SP4: variants seen among roughly 807,000 people sequenced by gnomAD.
The protein encoded by SP4 is Sp4 transcription factor, also known as transcription factor Sp4.
Under a neutral mutation model 72.8 loss-of-function variants are expected in SP4, and 19 were observed. That is an observed-to-expected ratio of 0.26 (90% CI 0.18 to 0.38). The LOEUF (loss-of-function observed/expected upper bound fraction) is 0.38, where lower values mean the gene tolerates loss of function less well. SP4 is among the 10% of genes least tolerant of loss of function. The probability of loss-of-function intolerance (pLI) is 1.00; values close to 1 mark genes in which losing one functional copy is unlikely to be tolerated. For missense variants in SP4, 1,008 were observed against 926.3 expected (o/e 1.09, Z -1.14); for synonymous variants, 395 against 333.1 (o/e 1.19, Z -2.02).
chr7:21,433,675 A>C (rs1782944357), intron 3 of SP4, among the ~76,000 whole-genome samples: 1 of 152,192 alleles, frequency 6.6e-6, no homozygotes, highest in South Asian at 2.1e-4. Flanking sequence ...GTGCAGTGGC[A>C]CACGCCTGTA....
In SP4 at chr7:21,489,362, C is replaced by A. The variant is rs566760599; in HGVS notation, c.2107+7239C>A. On this transcript the variant is annotated intron_variant, in intron 5 of 5. Transcript: ENST00000222584. Reference sequence around the variant, plus strand: ...GTTGTTGTTGCTGAGACCATGTCACCCAGGCCAGAACGCAGTGATGTGATC... The same window carrying A: ...GTTGTTGTTGCTGAGACCATGTCACACAGGCCAGAACGCAGTGATGTGATC... Among the ~76,000 whole-genome samples, 97 of 152,080 alleles carry A rather than the reference C, an allele frequency of 6.4e-4. 1 individual carries two copies. The highest frequency in any genetic ancestry group is 1.3e-3 in the Non-Finnish European group (91 of 68,006).
chr7:21,445,059 A>G (rs1783378686), intron 3 of SP4, among the ~76,000 whole-genome samples: 1 of 152,200 alleles, frequency 6.6e-6, no homozygotes, highest in South Asian at 2.1e-4. Flanking sequence ...TGAGGCTAGT[A>G]ATAACATCTC....
At chr7:21,435,353 A>G (rs1265251565) in intron 3 of SP4, among the ~76,000 whole-genome samples, 1 of 152,214 alleles carries the variant, frequency 6.6e-6, no homozygotes, top group Non-Finnish European at 1.5e-5. Context: ...ATATAGTATG[A>G]AACCAGAAAT....
intron 3 of SP4, among the ~76,000 whole-genome samples, chr7:21,440,739 C>G (rs1476807258): frequency 6.6e-6 from 1 of 152,108 alleles, no homozygotes; most frequent in Non-Finnish European, 1.5e-5. Flanking sequence ...GTCCCATCTA[C>G]TCTGGGAGGC....
intron 5 of SP4, among the ~76,000 whole-genome samples, chr7:21,506,867 T>C (rs1038052032): frequency 5.3e-5 from 8 of 152,234 alleles, no homozygotes. Context: ...GAATGTGTCC[T>C]ATGTCCTACG....
chr7:21,477,661 C>T (rs1562614192), intron 4 of SP4, among the ~76,000 whole-genome samples: 1 of 151,738 alleles, frequency 6.6e-6, no homozygotes, highest in Non-Finnish European at 1.5e-5. Flanking sequence ...CTCAGCCTTC[C>T]GAGTAGCTGG....
intron 1 of SP4, 113 bp downstream of exon 1, chr7:21,428,371 G>T: frequency 1.4e-6 from 1 of 714,472 alleles, no homozygotes; most frequent in Non-Finnish European, 2.6e-6. Context: ...GCTTTAAGGG[G>T]AGGAGGAGAG....
chr7:21,502,569 T>G (rs532420969), intron 5 of SP4, among the ~76,000 whole-genome samples: 1 of 152,156 alleles, frequency 6.6e-6, no homozygotes, highest in African/African-American at 2.4e-5. Flanking sequence ...CACCCATGCC[T>G]GAGGTCCTCC....
In SP4 at chr7:21,511,502, G is replaced by A; in HGVS notation, c.*233G>A. On this transcript the variant is annotated 3_prime_UTR_variant, in exon 6 of 6. Transcript: ENST00000222584. ...TATTTCCTCCATACTATAAGTTGTA[G>A]TTGTTTGGAAATATATCACATAACC... 1 of 471,630 alleles carries A rather than the reference G, an allele frequency of 2.1e-6. No individual in the cohort carries two copies. Among genetic ancestry groups the A allele is most frequent in the Non-Finnish European group, 3.8e-6 (1 of 263,330 alleles). The allele number at this position is 471,630 out of a possible 1,614,324, so 29.2% of individuals were successfully genotyped here.
chr7:21,495,177 C>T (rs1267943886), intron 5 of SP4, among the ~76,000 whole-genome samples: 2 of 152,118 alleles, frequency 1.3e-5, no homozygotes, highest in South Asian at 2.1e-4. Flanking sequence ...AGATAGGCTA[C>T]GAGTGCTTTA....
rs764524135 is a variant in SP4, at chr7:21,513,846, A to G, written c.*2577A>G. ...TGTGTTAGCAGGTGCACATTTCACC[A>G]CTGAAATTAGAAATATTTTGACAGT... On this transcript the variant is annotated 3_prime_UTR_variant, in exon 6 of 6. Transcript: ENST00000222584. The G allele has an allele frequency of 1.2e-4, 18 of 152,228 alleles. No homozygotes were observed. The highest frequency in any genetic ancestry group is 2.2e-4 in the Non-Finnish European group (15 of 68,016). The allele number at this position is 152,228 out of a possible 1,614,324, so 9.4% of individuals were successfully genotyped here. A position where few individuals can be genotyped will look rare whatever the true frequency, so the allele number is the denominator to read the frequency against.
chr7:21,505,419 G>GGAA (rs1192473342), intron 5 of SP4, among the ~76,000 whole-genome samples: 17 of 152,142 alleles, frequency 1.1e-4, no homozygotes, highest in Non-Finnish European at 2.4e-4. Context: ...TCTATGTATT[G>GGAA]TAACAACTGG....
chr7:21,474,253 C>A (rs572269748), intron 3 of SP4, among the ~76,000 whole-genome samples: 2 of 151,952 alleles, frequency 1.3e-5, no homozygotes, highest in Admixed American at 6.6e-5. Flanking sequence ...AATATTATTG[C>A]GACCTTTAAA....
At chr7:21,453,011 C>A (rs1030407246) in intron 3 of SP4, among the ~76,000 whole-genome samples, 3 of 152,110 alleles carry the variant, frequency 2.0e-5, no homozygotes, top group African/African-American at 7.2e-5. Flanking sequence ...AACTCCTGAC[C>A]TTGTGATCTG....
At chr7:21,439,542 G>A (rs1471646396) in intron 3 of SP4, among the ~76,000 whole-genome samples, 3 of 148,038 alleles carry the variant, frequency 2.0e-5, no homozygotes, top group Non-Finnish European at 4.4e-5. Context: ...GAACAGTCCT[G>A]CTGCAGTAGT....
chr7:21,467,159 C>G (rs1784192164), intron 3 of SP4, among the ~76,000 whole-genome samples: 1 of 151,912 alleles, frequency 6.6e-6, no homozygotes, highest in African/African-American at 2.4e-5. Flanking sequence ...TAGCAGCATC[C>G]CAGGCCTCTA....
intron 5 of SP4, among the ~76,000 whole-genome samples, chr7:21,494,817 A>G (rs1159312995): frequency 6.6e-6 from 1 of 152,166 alleles, no homozygotes; most frequent in African/African-American, 2.4e-5. Flanking sequence ...GAATAGCCAA[A>G]ACAGTTTCAA....
At chr7:21,495,553 A>G (rs1040114023) in intron 5 of SP4, among the ~76,000 whole-genome samples, 18 of 152,172 alleles carry the variant, frequency 1.2e-4, no homozygotes, top group Admixed American at 2.6e-4. Flanking sequence ...CTGTACACCT[A>G]TTAGAATGGC....
chr7:21,489,221 T>C (rs1455736806), intron 5 of SP4, among the ~76,000 whole-genome samples: 2 of 152,224 alleles, frequency 1.3e-5, no homozygotes, highest in African/African-American at 4.8e-5. Context: ...TTCTGTAAAA[T>C]TCATTTGGGA....
Sources: gnomAD v4.1 joint callset for allele counts (sites outside exome capture counted in the v4.1 genomes callset) on GRCh38, gnomAD v4.1.1 for gene constraint, MANE v1.5 for transcripts, NCBI Gene and HGNC (gene_info 2026-07-23, HGNC 2026-07-21) for gene names.